The following ARFGEF3 variants were observed in gnomAD, a reference collection of about 807,000 sequenced individuals.
The protein encoded by ARFGEF3 is ARFGEF family member 3.
Under a neutral mutation model 221.7 loss-of-function variants are expected in ARFGEF3, and 96 were observed. The ratio of observed to expected loss-of-function variants is 0.43; its 90% CI spans 0.37 to 0.51. The LOEUF is 0.51. Among genes scored for constraint, ARFGEF3 ranks in the 20% least tolerant of loss-of-function variants. The pLI is 0.00. For synonymous variants in ARFGEF3, 1,145 were observed against 1,126.8 expected (o/e 1.02, Z -0.32); for missense variants, 2,410 against 2,789.9 (o/e 0.86, Z 3.07).
At chr6:138,215,216 T>C (rs1192876858) in intron 4 of ARFGEF3, among the ~76,000 whole-genome samples, 1 of 152,192 alleles carries the variant, frequency 6.6e-6, no homozygotes, top group African/African-American at 2.4e-5. Flanking sequence ...GGTTATTAAC[T>C]GATACAGCTG....
chr6:138,235,601 A>G (rs898039560), intron 5 of ARFGEF3, among the ~76,000 whole-genome samples: 2 of 152,224 alleles, frequency 1.3e-5, no homozygotes, highest in Non-Finnish European at 2.9e-5. Flanking sequence ...GCCCTGAGGT[A>G]GAGGAAGAAA....
Position 138,336,473 on chromosome 6 carries a change from A to G in ARFGEF3, c.6521A>G (p.Asp2174Gly). 1 of 1,608,320 alleles carries G rather than the reference A, an allele frequency of 6.2e-7. No individual in the cohort carries two copies. The highest frequency in any genetic ancestry group is 8.5e-7 in the Non-Finnish European group (1 of 1,177,352). Reference sequence around the variant, plus strand: ...CTGGGCAGGGTGGGCCGTGTCTATGACATCATTGTGTAGCCGACTCCTGTT... The same window carrying G: ...CTGGGCAGGGTGGGCCGTGTCTATGGCATCATTGTGTAGCCGACTCCTGTT... Reference protein sequence around the residue: ...EWLGRVGRVYDIIV With the variant: ...EWLGRVGRVYGIIV The change falls in exon 34 of 34, where the codon GAC (aspartate) becomes GGC (glycine). Residue 2174 changes from aspartate (D) to glycine (G), a missense_variant. Physicochemically the swap from Asp to Gly is moderately conservative, Grantham distance 94. Transcript: ENST00000251691.
intron 32 of ARFGEF3, among the ~76,000 whole-genome samples, chr6:138,332,178 G>C (rs1780239065): frequency 6.6e-6 from 1 of 152,210 alleles, no homozygotes; most frequent in East Asian, 1.9e-4. Flanking sequence ...CCCCTCTGGT[G>C]GTGCTTCCTG....
At chr6:138,278,417 A>G (rs775501445) in intron 12 of ARFGEF3, 34 bp from the exon 13 acceptor site, 9 of 1,606,326 alleles carry the variant, frequency 5.6e-6, no homozygotes, top group Non-Finnish European at 6.0e-6. Context: ...CACACTGTTC[A>G]CACCCCCAAA....
At chr6:138,224,227 T>C (rs1443260165) in intron 4 of ARFGEF3, among the ~76,000 whole-genome samples, 2 of 152,190 alleles carry the variant, frequency 1.3e-5, no homozygotes, top group African/African-American at 4.8e-5. Context: ...AGAAGATAGA[T>C]AGGTTCTCAG....
At position 138,321,159 on chromosome 6, in the gene ARFGEF3, A is replaced by C. The variant is rs1338902098; in HGVS notation, c.4700A>C (p.Glu1567Ala). 1.9e-6 allele frequency: 3 copies of C among 1,565,318 alleles called. No individual in the cohort carries two copies. In the South Asian group the frequency reaches 3.5e-5, roughly 18 times the overall value. ...AATACCATGCTGAAGGACCTCTTTG[A>C]GTTGCTGGTCGCCTGTGTGGCCAAG... ...MINTMLKDLFELLVACVAKPT... is the reference protein window; with the variant it reads ...MINTMLKDLFALLVACVAKPT... Residue 1567 changes from glutamate (E) to alanine (A), a missense_variant, in exon 29 of 34, where the codon GAG becomes GCG. Coordinates refer to ENST00000251691, the MANE Select transcript of ARFGEF3 (RefSeq NM_020340.5).
chr6:138,279,868 G>T, intron 13 of ARFGEF3, 131 bp from the exon 14 acceptor site: 2 of 805,726 alleles, frequency 2.5e-6, no homozygotes, highest in African/African-American at 1.7e-5. Context: ...CCCACTTGCC[G>T]CCCCCTTACC....
At chr6:138,199,204 C>T (rs1051418598) in intron 2 of ARFGEF3, among the ~76,000 whole-genome samples, 1 of 152,178 alleles carries the variant, frequency 6.6e-6, no homozygotes, top group Non-Finnish European at 1.5e-5. Flanking sequence ...TAAATGTCTA[C>T]CTTCAAAAGT....
At position 138,291,950 on chromosome 6, in the gene ARFGEF3, C is replaced by T. The variant is rs1030633854; in HGVS notation, c.3265C>T (p.Arg1089Trp). 4 of 1,528,430 alleles carry T rather than the reference C, an allele frequency of 2.6e-6. No individual in the cohort carries two copies. The highest frequency in any genetic ancestry group is 3.5e-6 in the Non-Finnish European group (4 of 1,138,636). The allele number at this position is 1,528,430 out of a possible 1,614,324, so 94.7% of individuals were successfully genotyped here. A position where few individuals can be genotyped will look rare whatever the true frequency, so the allele number is the denominator to read the frequency against. The part of the protein sequence containing the change: ...VQPLSIQDLV[R>W]EGSRGRASDF... ...GCCCCTGTCCATCCAGGACCTCGTC[C>T]GGGAAGGCAGCCGGGGTCGGGCCTC... The change falls in exon 19 of 34, where the codon CGG (arginine) becomes TGG (tryptophan). Residue 1089 changes from arginine (R) to tryptophan (W), a missense_variant. Arg to Trp is a moderately radical substitution (Grantham distance 101, BLOSUM62 -3). This residue lies in a region of ARFGEF3 where 184 missense variants were observed against 141.8 expected (regional missense o/e 1.30). Transcript: ENST00000251691. This position sits in a 1 kb window ranked among gnomAD's most constrained non-coding sequence, Gnocchi z 4.5.
In ARFGEF3 at chr6:138,286,910, G is replaced by A. The variant is rs760709862; in HGVS notation, c.2779G>A (p.Ala927Thr). 4.0e-5 allele frequency: 65 copies of A among 1,612,738 alleles called. No homozygotes were observed. The highest frequency in any genetic ancestry group is 1.9e-4 in the Middle Eastern group (1 of 5,246). The change falls in exon 16 of 34, where the codon GCT (alanine) becomes ACT (threonine). Residue 927 changes from alanine (A) to threonine (T), a missense_variant. This residue lies in a region of ARFGEF3 where 594 missense variants were observed against 734.3 expected (regional missense o/e 0.81). Transcript: ENST00000251691. ...GLRKAARLSC[A>T]LGVAANCASA... is the part of the protein sequence containing the mutation. The stretch of plus-strand genomic sequence containing the variant: ...GCGGAAAGCCGCACGGCTGAGCTGC[G>A]CTCTAGGTACCAGCGGGAGTAGTGT...
At chr6:138,327,343 A>C (rs1343418005) in intron 31 of ARFGEF3, among the ~76,000 whole-genome samples, 1 of 151,986 alleles carries the variant, frequency 6.6e-6, no homozygotes, top group Admixed American at 6.6e-5. Context: ...CAGCTACTCG[A>C]GGGTTTAAGG....
At chr6:138,165,109 C>T (rs115980623) in intron 1 of ARFGEF3, among the ~76,000 whole-genome samples, 1,572 of 149,930 alleles carry the variant, frequency 0.01, 32 homozygotes, top group African/African-American at 0.037. Flanking sequence ...AGAGAGAGGT[C>T]ATCCCCCTCT....
At chr6:138,196,532 C>G (rs959479640) in intron 2 of ARFGEF3, among the ~76,000 whole-genome samples, 3 of 152,146 alleles carry the variant, frequency 2.0e-5, no homozygotes, top group Non-Finnish European at 4.4e-5. Context: ...CAGGACTGGA[C>G]GTTGCTCTGG....
At chr6:138,187,127 T>A (rs988771502) in intron 2 of ARFGEF3, among the ~76,000 whole-genome samples, 1 of 151,974 alleles carries the variant, frequency 6.6e-6, no homozygotes, top group Non-Finnish European at 1.5e-5. Flanking sequence ...GTTGATCAGG[T>A]TGGTCTCGAA....
At chr6:138,326,053 C>G (rs1287878628) in intron 31 of ARFGEF3, among the ~76,000 whole-genome samples, 1 of 152,036 alleles carries the variant, frequency 6.6e-6, no homozygotes, top group East Asian at 1.9e-4. Context: ...GACGGAGTTT[C>G]GCCATGTTGG....
chr6:138,277,529 G>A (rs916043485), intron 12 of ARFGEF3, among the ~76,000 whole-genome samples: 3 of 152,144 alleles, frequency 2.0e-5, no homozygotes, highest in Non-Finnish European at 4.4e-5. Flanking sequence ...TTAGCTTTTC[G>A]AGAAACATTA....
intron 5 of ARFGEF3, among the ~76,000 whole-genome samples, chr6:138,237,332 ACTC>A (rs901214903): frequency 2.6e-5 from 4 of 152,112 alleles, no homozygotes; most frequent in African/African-American, 7.2e-5. Flanking sequence ...AGGAAATTAA[ACTC>A]CTCTTTTTGT....
At chr6:138,194,593 A>C (rs1363273725) in intron 2 of ARFGEF3, among the ~76,000 whole-genome samples, 3 of 152,258 alleles carry the variant, frequency 2.0e-5, no homozygotes, top group Admixed American at 6.5e-5. Context: ...ATTGTAGGAA[A>C]ACATGTCACA....
chr6:138,314,485 C>G (rs1779884715), intron 26 of ARFGEF3, among the ~76,000 whole-genome samples: 1 of 152,120 alleles, frequency 6.6e-6, no homozygotes, highest in Non-Finnish European at 1.5e-5. Flanking sequence ...AATGCCATCC[C>G]AATAGTCCCA....
Sources: allele counts gnomAD v4.1 joint callset (sites outside exome capture counted in the v4.1 genomes callset), GRCh38; gene constraint gnomAD v4.1.1; regional missense constraint gnomAD v4.1.1; non-coding constraint Gnocchi (gnomAD v3.1); transcripts MANE v1.5; gene names NCBI Gene and HGNC (gene_info 2026-07-23, HGNC 2026-07-21).